KIAA1586: variants seen among roughly 807,000 people sequenced by gnomAD.
KIAA1586 encodes the protein KIAA1586.
In KIAA1586, 5 loss-of-function variants were observed where a neutral mutation model predicts 6.1. The ratio of observed to expected loss-of-function variants is 0.82; its 90% confidence interval spans 0.43 to 1.73. KIAA1586 has a LOEUF of 1.73. Among genes scored for constraint, KIAA1586 ranks in the 40% most tolerant of loss-of-function variants. The probability of loss-of-function intolerance (pLI) is 0.02; values close to 1 mark genes in which losing one functional copy is unlikely to be tolerated. For missense variants in KIAA1586, 899 were observed against 878.2 expected, an observed-to-expected ratio of 1.02 and a Z score of -0.30; for synonymous variants, 280 against 301.7, an observed-to-expected ratio of 0.93 and a Z score of 0.75.
At position 57,054,843 on chromosome 6, in the gene KIAA1586, G is replaced by T. The variant is rs1344271219; in HGVS notation, c.2344G>T (p.Ala782Ser). Residue 782 changes from alanine (A) to serine (S), a missense_variant, in exon 4 of 4, where the codon GCT becomes TCT. Coordinates refer to ENST00000370733, the MANE Select transcript of KIAA1586 (RefSeq NM_020931.4). The stretch of plus-strand genomic sequence containing the variant: ...AAAAGTCTTCCATGAGAATCAATTG[G>T]CTATATGGAACTTAAAATAGAATAT... The part of the protein sequence containing the change: ...STKVFHENQL[A>S]IWNLK 1 of 1,548,768 alleles carries T rather than the reference G, an allele frequency of 6.5e-7. No individual in the cohort carries two copies. Among genetic ancestry groups the T allele is most frequent in the Non-Finnish European group, 8.7e-7 (1 of 1,145,226 alleles).
In KIAA1586 at chr6:57,053,439, A is replaced by G. The variant is rs1828396897; in HGVS notation, c.940A>G (p.Ile314Val). ...GAATATTATAGAAGAGAATGCCAAA[A>G]TCTGTATCATAATTGATGAGGCATC... ...FKNIIEENAK[I>V]CIIIDEASTV... The change falls in exon 4 of 4, where the codon ATC becomes GTC. Residue 314 changes from isoleucine to valine, a missense_variant. By Grantham distance (29) the Ile-to-Val change is conservative. Coordinates refer to ENST00000370733, the MANE Select transcript of KIAA1586 (RefSeq NM_020931.4). 3 of 1,610,474 alleles carry G rather than the reference A, an allele frequency of 1.9e-6. No individual in the cohort carries two copies. The highest frequency in any genetic ancestry group is 2.2e-5 in the South Asian group (2 of 90,602).
At position 57,050,834 on chromosome 6, in the gene KIAA1586, C is replaced by G. The variant is rs369893140; in HGVS notation, c.166C>G (p.Pro56Ala). 1.1e-4 allele frequency: 178 copies of G among 1,611,336 alleles called. 1 individual carries two copies. The highest frequency in any genetic ancestry group is 1.4e-4 in the Non-Finnish European group (169 of 1,178,106). ...IDLVCGDDEN[P>A]SAYYSDILFP... is the part of the protein sequence containing the mutation. ...TCTGGTCTGTGGTGATGATGAAAAC[C>G]CTAGCGCCTATTATAGTGATGTAAG... The change falls in exon 3 of 4, where the codon CCT becomes GCT. Residue 56 changes from proline (P) to alanine (A), a missense_variant. Physicochemically the swap from Pro to Ala is conservative, Grantham distance 27. Transcript: ENST00000370733.
At chr6:57,059,471 G>T (rs1366094492), downstream of KIAA1586, among the ~76,000 whole-genome samples, 1 of 151,628 alleles carries the variant, frequency 6.6e-6, no homozygotes, top group African/African-American at 2.4e-5. Flanking sequence ...GGTGCCTGTA[G>T]TCCCAGCTAC....
At chr6:57,059,883 C>T (rs930955623), downstream of KIAA1586, among the ~76,000 whole-genome samples, 2 of 152,132 alleles carry the variant, frequency 1.3e-5, no homozygotes, top group African/African-American at 4.8e-5. Flanking sequence ...ATATTTGAAA[C>T]CTTTTCTTCA....
chr6:57,058,640 G>A (rs1408562967), downstream of KIAA1586, among the ~76,000 whole-genome samples: 2 of 152,158 alleles, frequency 1.3e-5, no homozygotes, highest in Non-Finnish European at 2.9e-5. Flanking sequence ...AAGCTTACTT[G>A]TGCCTGTCCT....
At chr6:57,049,106 A>G (rs1828256597) in intron 2 of KIAA1586, among the ~76,000 whole-genome samples, 1 of 152,350 alleles carries the variant, frequency 6.6e-6, no homozygotes, top group East Asian at 1.9e-4. Context: ...AAGGTTTGAC[A>G]GCTCTTATAT....
In KIAA1586 at chr6:57,052,903, A is replaced by G. The variant is rs1213816681; in HGVS notation, c.404A>G (p.Asp135Gly). 3 of 1,612,582 alleles carry G rather than the reference A, an allele frequency of 1.9e-6. No homozygotes were observed. Among genetic ancestry groups the G allele is most frequent in the Admixed American group, 1.7e-5 (1 of 59,602 alleles). Residue 135 changes from aspartate (D) to glycine (G), a missense_variant, in exon 4 of 4, where the codon GAT (aspartate) becomes GGT (glycine). By Grantham distance (94) the Asp-to-Gly change is moderately conservative. Coordinates refer to ENST00000370733, the MANE Select transcript of KIAA1586 (RefSeq NM_020931.4). Reference protein sequence around the residue: ...KKEIDNLVLPDCWNEKQAFMF... With the variant: ...KKEIDNLVLPGCWNEKQAFMF... ...GAAATAGATAATCTTGTGCTTCCAG[A>G]TTGTTGGAATGAAAAACAAGCATTT...
chr6:57,054,278 T>C lies in KIAA1586; in HGVS notation c.1779T>C (p.Asn593=). The change falls in exon 4 of 4, where the codon AAT becomes AAC. Residue 593 remains asparagine, a synonymous_variant. Coordinates refer to ENST00000370733, the MANE Select transcript of KIAA1586 (RefSeq NM_020931.4). ...ATAAGTTTAAAGATATTCCATTTAA[T>C]AAAAACAATAAATTTAATGCTCTTC... is the stretch of plus-strand genomic sequence containing the variant. The part of the protein sequence containing the change: ...KSDKFKDIPF[N]KNNKFNALPR... 1 of 1,580,752 alleles carries C rather than the reference T, an allele frequency of 6.3e-7. No individual in the cohort carries two copies. Among genetic ancestry groups the C allele is most frequent in the African/African-American group, 1.4e-5 (1 of 72,896 alleles).
At position 57,054,582 on chromosome 6, in the gene KIAA1586, A is replaced by C. The variant is rs1562572196; in HGVS notation, c.2083A>C (p.Lys695Gln). Reference sequence around the variant, plus strand: ...TCCTACAACTATATACAAAGCTAAAAAGATAGTTAGCACCATTGCAATCAA... The same window carrying C: ...TCCTACAACTATATACAAAGCTAAACAGATAGTTAGCACCATTGCAATCAA... ...SIPTTIYKAK[K>Q]IVSTIAINSA... The change falls in exon 4 of 4, where the codon AAG becomes CAG. Residue 695 changes from lysine (K) to glutamine (Q), a missense_variant. Lys to Gln is a moderately conservative substitution (Grantham distance 53). Transcript: ENST00000370733. The C allele has an allele frequency of 6.2e-7, 1 of 1,608,024 alleles. No individual in the cohort carries two copies. Among genetic ancestry groups the C allele is most frequent in the Non-Finnish European group, 8.5e-7 (1 of 1,176,194 alleles).
chr6:57,058,042 G>A (rs1828522140), downstream of KIAA1586, among the ~76,000 whole-genome samples: 5 of 151,970 alleles, frequency 3.3e-5, no homozygotes, highest in Admixed American at 6.5e-5. Flanking sequence ...TGATCCACCC[G>A]CCTTAGCCTC....
chr6:57,065,996 G>T, the KIAA1586 span, among the ~76,000 whole-genome samples: 2 of 151,950 alleles, frequency 1.3e-5, no homozygotes, highest in South Asian at 4.1e-4. Context: ...CTAATTTCTG[G>T]TTGGGTGTGG....
In KIAA1586 at chr6:57,054,662, G is replaced by C; in HGVS notation, c.2163G>C (p.Val721=). The C allele has an allele frequency of 6.4e-7, 1 of 1,562,534 alleles. No homozygotes were observed. The highest frequency in any genetic ancestry group is 8.7e-7 in the Non-Finnish European group (1 of 1,151,454). ...FNLMNIICTR[V]RNSLTIDHVS... is the part of the protein sequence containing the mutation. ...TAATGAACATAATTTGTACAAGGGT[G>C]AGAAATAGTTTAACAATAGATCATG... Residue 721 remains valine (V), a synonymous_variant, in exon 4 of 4, where the codon GTG becomes GTC. Transcript: ENST00000370733.
Position 57,053,648 on chromosome 6 carries a change from T to C in KIAA1586, c.1149T>C (p.Asn383=). Residue 383 remains asparagine (N), a synonymous_variant, in exon 4 of 4, where the codon AAT becomes AAC. Transcript: ENST00000370733. ...CGFTNEYLKA[N]LIAFCSDGAN... The stretch of plus-strand genomic sequence containing the variant: ...TTACAAATGAATATTTGAAAGCAAA[T>C]TTAATTGCATTTTGTTCTGATGGTG... The C allele has an allele frequency of 6.2e-7, 1 of 1,611,676 alleles. No homozygotes were observed. Among genetic ancestry groups the C allele is most frequent in the Non-Finnish European group, 8.5e-7 (1 of 1,178,244 alleles).
chr6:57,065,485 C>CT, the KIAA1586 span, among the ~76,000 whole-genome samples: 2 of 149,166 alleles, frequency 1.3e-5, no homozygotes, highest in Admixed American at 6.7e-5. Flanking sequence ...GTTGTGTTGC[C>CT]TTTTTTGTTT....
chr6:57,063,937 T>C, the KIAA1586 span, among the ~76,000 whole-genome samples: 1 of 152,150 alleles, frequency 6.6e-6, no homozygotes, highest in Non-Finnish European at 1.5e-5. Flanking sequence ...ACAAAGCACC[T>C]TAGGTTCTAA....
chr6:57,048,957 G>A (rs1393372245), intron 2 of KIAA1586, among the ~76,000 whole-genome samples: 1 of 152,146 alleles, frequency 6.6e-6, no homozygotes, highest in African/African-American at 2.4e-5. Flanking sequence ...TATATAGGCT[G>A]TGTTTAGCTG....
intron 2 of KIAA1586, among the ~76,000 whole-genome samples, chr6:57,049,219 A>G (rs545278909): frequency 2.0e-5 from 3 of 152,230 alleles, no homozygotes; most frequent in Admixed American, 1.3e-4. Flanking sequence ...GACAATGATA[A>G]CTTAATTCCA....
chr6:57,058,146 G>GA (rs367971494), downstream of KIAA1586, among the ~76,000 whole-genome samples: 954 of 145,462 alleles, frequency 6.6e-3, 4 homozygotes, highest in African/African-American at 0.016. Flanking sequence ...AGCTAGATGA[G>GA]AAAAAAAAAA....
downstream of KIAA1586, among the ~76,000 whole-genome samples, chr6:57,056,999 C>CA (rs1215479545): frequency 6.6e-6 from 1 of 151,920 alleles, no homozygotes; most frequent in Non-Finnish European, 1.5e-5. Flanking sequence ...GAGGCCGAGG[C>CA]AGGTGGATCA....
Sources: allele counts gnomAD v4.1 joint callset (sites outside exome capture counted in the v4.1 genomes callset), GRCh38; gene constraint gnomAD v4.1.1; transcripts MANE v1.5; gene names NCBI Gene and HGNC (gene_info 2026-07-23, HGNC 2026-07-21).